The following ZNF536 variants were observed in gnomAD, a reference collection of about 807,000 sequenced individuals.
ZNF536 encodes zinc finger protein 536.
In ZNF536, 13 loss-of-function variants were observed where a neutral mutation model predicts 84.5. The ratio of observed to expected loss-of-function variants is 0.15; its 90% CI spans 0.10 to 0.24. The LOEUF is 0.24. Among genes scored for constraint, ZNF536 ranks in the 10% least tolerant of loss-of-function variants. The pLI is 1.00. For missense variants in ZNF536, 1,536 were observed against 1,747.5 expected, an observed-to-expected ratio of 0.88 and a Z score of 2.16; for synonymous variants, 811 against 742.5, an observed-to-expected ratio of 1.09 and a Z score of -1.50.
intron 1 of ZNF536, among the ~76,000 whole-genome samples, chr19:30,661,622 C>T (rs1002556704): frequency 1.1e-4 from 17 of 152,204 alleles, no homozygotes; most frequent in Admixed American, 9.2e-4. Flanking sequence ...GAAAGACTTT[C>T]GCATAAGGAT....
intron 2 of ZNF536, among the ~76,000 whole-genome samples, chr19:30,514,033 G>A (rs1386057193): frequency 1.3e-5 from 2 of 152,178 alleles, no homozygotes; most frequent in African/African-American, 4.8e-5. Flanking sequence ...CCAGCTCAGT[G>A]AGACCTGGCG....
At chr19:30,307,184 C>A (rs1238925256) in intron 2 of ZNF536, among the ~76,000 whole-genome samples, 1 of 151,864 alleles carries the variant, frequency 6.6e-6, no homozygotes, top group African/African-American at 2.4e-5. Flanking sequence ...TACAATTAGT[C>A]CCCTCACATA....
chr19:30,561,650 G>A (rs999339426), downstream of ZNF536, among the ~76,000 whole-genome samples: 3 of 152,172 alleles, frequency 2.0e-5, no homozygotes, highest in Non-Finnish European at 4.4e-5. Context: ...GCCCCTTTGG[G>A]GGTCCTCTAA....
intron 1 of ZNF536, among the ~76,000 whole-genome samples, chr19:30,695,746 C>T (rs2051630535): frequency 6.6e-6 from 1 of 152,128 alleles, no homozygotes; most frequent in Admixed American, 6.5e-5. Flanking sequence ...TGGCTTTCTT[C>T]TGCCTGGAGA....
intron 1 of ZNF536, among the ~76,000 whole-genome samples, chr19:30,400,874 T>C (rs1428310824): frequency 1.3e-5 from 2 of 152,212 alleles, no homozygotes; most frequent in Non-Finnish European, 2.9e-5. Flanking sequence ...CAAAATCCAA[T>C]TTATTAATTT....
At chr19:30,485,930 C>A (rs913970575) in intron 2 of ZNF536, among the ~76,000 whole-genome samples, 2 of 151,890 alleles carry the variant, frequency 1.3e-5, no homozygotes, top group Admixed American at 6.6e-5. Context: ...CCTGGAGAAC[C>A]CATAGCAAGG....
intron 1 of ZNF536, among the ~76,000 whole-genome samples, chr19:30,641,938 A>T (rs1240761677): frequency 1.3e-5 from 2 of 152,194 alleles, no homozygotes; most frequent in African/African-American, 2.4e-5. Flanking sequence ...AGCCAAGGAT[A>T]ATAGTACGAG....
chr19:30,261,620 G>T (rs2025225060), intron 1 of ZNF536, among the ~76,000 whole-genome samples: 1 of 146,328 alleles, frequency 6.8e-6, no homozygotes, highest in African/African-American at 2.5e-5. Flanking sequence ...GGTCATTTGA[G>T]CCCAAGAGTT....
chr19:30,538,488 T>C (rs2045186398), intron 3 of ZNF536, among the ~76,000 whole-genome samples: 1 of 152,224 alleles, frequency 6.6e-6, no homozygotes, highest in African/African-American at 2.4e-5. Context: ...TCTCTTCTCC[T>C]AACACCTGTT....
intron 1 of ZNF536, among the ~76,000 whole-genome samples, chr19:30,412,616 A>G (rs1237292711): frequency 1.3e-5 from 2 of 152,006 alleles, no homozygotes; most frequent in Admixed American, 1.3e-4. Context: ...TATAGCTTCT[A>G]ATAGAAAGTA....
chr19:30,653,072 G>A (rs1321941425), intron 1 of ZNF536, among the ~76,000 whole-genome samples: 2 of 152,170 alleles, frequency 1.3e-5, no homozygotes, highest in South Asian at 2.1e-4. Flanking sequence ...GGAAGGTGCC[G>A]TTATCTGGGC....
chr19:30,643,781 G>A (rs930124355), intron 1 of ZNF536, among the ~76,000 whole-genome samples: 4 of 152,062 alleles, frequency 2.6e-5, no homozygotes, highest in Non-Finnish European at 4.4e-5. Context: ...TTGGGGGGTG[G>A]TGCTTACATC....
Position 30,443,769 on chromosome 19 carries a change from C to A in ZNF536, c.207C>A (p.His69Gln), listed in dbSNP as rs758847308. 2 of 1,612,814 alleles carry A rather than the reference C, an allele frequency of 1.2e-6. No individual in the cohort carries two copies. The change falls in exon 2 of 5, where the codon CAC becomes CAA. Residue 69 changes from histidine to glutamine, a missense_variant. Transcript: ENST00000355537. ...CCGCATCCCTGGAGGAGAAGGCCCA[C>A]GTGCCCATGAGCGGCCAGCCCATGG... ...KPPASLEEKA[H>Q]VPMSGQPMGS...
intron 1 of ZNF536, among the ~76,000 whole-genome samples, chr19:30,411,062 T>G (rs1367204332): frequency 6.6e-6 from 1 of 152,228 alleles, no homozygotes; most frequent in Non-Finnish European, 1.5e-5. Context: ...AATGGGTCAA[T>G]GATTGAATCA....
intron 3 of ZNF536, among the ~76,000 whole-genome samples, chr19:30,536,975 T>C (rs2145974131): frequency 6.6e-6 from 1 of 152,290 alleles, no homozygotes; most frequent in Middle Eastern, 3.4e-3. Context: ...CACCAGGACT[T>C]TCTAGACCGC....
intron 1 of ZNF536, among the ~76,000 whole-genome samples, chr19:30,610,708 C>A (rs2048073621): frequency 6.6e-6 from 1 of 152,114 alleles, no homozygotes; most frequent in East Asian, 1.9e-4. Context: ...AAATGTTTCC[C>A]TCTGAACCAA....
intron 2 of ZNF536, among the ~76,000 whole-genome samples, chr19:30,327,006 G>A (rs10408846): frequency 0.65 from 98,809 of 151,230 alleles, 32,536 homozygotes; most frequent in East Asian, 0.79. Context: ...ACTCAGGCGC[G>A]GTCTTATTGA....
intron 1 of ZNF536, among the ~76,000 whole-genome samples, chr19:30,600,979 T>G (rs1341767948): frequency 6.6e-6 from 1 of 152,240 alleles, no homozygotes; most frequent in Non-Finnish European, 1.5e-5. Flanking sequence ...TTTTTACTGA[T>G]GGAGTTGGTT....
intron 2 of ZNF536, among the ~76,000 whole-genome samples, chr19:30,479,182 A>G (rs1486442499): frequency 6.6e-6 from 1 of 152,116 alleles, no homozygotes; most frequent in Admixed American, 6.5e-5. Context: ...CCGGAGCTCA[A>G]TCGGTGTTGG....
Sources: allele counts gnomAD v4.1 joint callset (sites outside exome capture counted in the v4.1 genomes callset), GRCh38; gene constraint gnomAD v4.1.1; transcripts MANE v1.5; gene names NCBI Gene and HGNC (gene_info 2026-07-23, HGNC 2026-07-21).